SMYD1: variants seen among roughly 807,000 people sequenced by gnomAD.
SMYD1 encodes the protein histone-lysine N-methyltransferase SMYD1.
In SMYD1, 49 loss-of-function variants were observed where a neutral mutation model predicts 54.0. The ratio of observed to expected loss-of-function variants is 0.91; its 90% confidence interval spans 0.72 to 1.15. SMYD1 has a LOEUF of 1.15. SMYD1 is among the 50% of genes most tolerant of loss of function. The probability of loss-of-function intolerance (pLI) is 0.00; values close to 1 mark genes in which losing one functional copy is unlikely to be tolerated. For missense variants in SMYD1, 653 were observed against 639.6 expected (o/e 1.02, Z -0.23); for synonymous variants, 269 against 234.2 (o/e 1.15, Z -1.36).
At chr2:88,110,289 A>G in intron 9 of SMYD1, 65 bp from the exon 10 acceptor site, 2 of 1,518,352 alleles carry the variant, frequency 1.3e-6, no homozygotes, top group Non-Finnish European at 1.8e-6. Flanking sequence ...ACCCCAAGGT[A>G]TATCAGAGAC....
Position 88,103,562 on chromosome 2 carries a change from G to A in SMYD1, c.981+412G>A, listed in dbSNP as rs1674776452. ...CTCTCCCAAATGAGCATTCAACCTT[G>A]GCTCTTGAAGCACCAGGGATTCTCA... On this transcript the variant is annotated intron_variant, in intron 7 of 9. Coordinates refer to ENST00000419482, the MANE Select transcript of SMYD1 (RefSeq NM_198274.4). Among the ~76,000 whole-genome samples, 4 of 152,150 alleles carry A rather than the reference G, an allele frequency of 2.6e-5. No homozygotes were observed. In the South Asian group the frequency reaches 8.3e-4, roughly 32 times the overall value.
At position 88,112,203 on chromosome 2, in the gene SMYD1, C is replaced by T. The variant is rs978902990; in HGVS notation, c.*1691C>T. 5.7e-5 allele frequency: 40 copies of T among 698,340 alleles called. No individual in the cohort carries two copies. Among genetic ancestry groups the T allele is most frequent in the Middle Eastern group, 4.6e-4 (2 of 4,370 alleles). 43.3% of individuals were successfully genotyped at this position (698,340 alleles called of 1,614,324 possible). A position where few individuals can be genotyped will look rare whatever the true frequency, so the allele number is the denominator to read the frequency against. ...TCTAACTGGCTAGTTCAAATTATCA[C>T]TCTTTTACCTTCATATAAAATGTCT... On this transcript the variant is annotated 3_prime_UTR_variant, in exon 10 of 10. Transcript: ENST00000419482.
At chr2:88,102,368 G>GT (rs11395735) in intron 6 of SMYD1, among the ~76,000 whole-genome samples, 85,143 of 150,510 alleles carry the variant, frequency 0.57, 24,347 homozygotes, top group African/African-American at 0.66. Flanking sequence ...GTTTTGTTTT[G>GT]TTTTTTTTGG....
In SMYD1 at chr2:88,110,392, C is replaced by G. The variant is rs754399702; in HGVS notation, c.1353C>G (p.Phe451Leu). Residue 451 changes from phenylalanine (F) to leucine (L), a missense_variant, in exon 10 of 10, where the codon TTC (phenylalanine) becomes TTG (leucine). Coordinates refer to ENST00000419482, the MANE Select transcript of SMYD1 (RefSeq NM_198274.4). Reference protein sequence around the residue: ...RVQTEMELRMFRQNEFMYYKM... With the variant: ...RVQTEMELRMLRQNEFMYYKM... Reference sequence around the variant, plus strand: ...AGACGGAGATGGAGCTACGCATGTTCCGCCAGAACGAATTCATGTACTACA... The same window carrying G: ...AGACGGAGATGGAGCTACGCATGTTGCGCCAGAACGAATTCATGTACTACA... The G allele has an allele frequency of 6.2e-7, 1 of 1,612,920 alleles. No homozygotes were observed. The highest frequency in any genetic ancestry group is 8.5e-7 in the Non-Finnish European group (1 of 1,179,536).
chr2:88,096,108 T>C (rs1471438611), intron 5 of SMYD1, among the ~76,000 whole-genome samples: 1 of 152,214 alleles, frequency 6.6e-6, no homozygotes, highest in East Asian at 1.9e-4. Context: ...GGTTAAGAGG[T>C]GACTTCAAGT....
intron 9 of SMYD1, 143 bp downstream of exon 9, chr2:88,108,682 T>C (rs62156978): frequency 1.4e-6 from 1 of 729,904 alleles, no homozygotes. Flanking sequence ...TTTAGCCCAC[T>C]ACCCTTGTGT....
intron 7 of SMYD1, 64 bp from the exon 8 acceptor site, chr2:88,106,261 C>A: frequency 6.3e-7 from 1 of 1,577,268 alleles, no homozygotes; most frequent in Non-Finnish European, 8.7e-7. Flanking sequence ...ATGATGGTCG[C>A]GTATGTGAAT....
Position 88,112,300 on chromosome 2 carries a change from C to G in SMYD1, c.*1788C>G. On this transcript the variant is annotated 3_prime_UTR_variant, in exon 10 of 10. Coordinates refer to ENST00000419482, the MANE Select transcript of SMYD1 (RefSeq NM_198274.4). ...CTGGTCATTTCCCCATATTCGTAGTCTTTTTTTCCATCCTATCTTTCTAAT... is the reference window on the plus strand; with the variant it reads ...CTGGTCATTTCCCCATATTCGTAGTGTTTTTTTCCATCCTATCTTTCTAAT... 1 of 611,884 alleles carries G rather than the reference C, an allele frequency of 1.6e-6. No individual in the cohort carries two copies. Among genetic ancestry groups the G allele is most frequent in the South Asian group, 2.0e-5 (1 of 50,784 alleles). The allele number at this position is 611,884 out of a possible 1,614,324, so 37.9% of individuals were successfully genotyped here. A position where few individuals can be genotyped will look rare whatever the true frequency, so the allele number is the denominator to read the frequency against.
chr2:88,099,507 G>A (rs957419828), intron 6 of SMYD1, among the ~76,000 whole-genome samples: 3 of 151,982 alleles, frequency 2.0e-5, no homozygotes, highest in African/African-American at 7.2e-5. Flanking sequence ...GGCAGATCAC[G>A]AGGTCAGGAG....
At chr2:88,071,627 G>A (rs749292082) in intron 1 of SMYD1, among the ~76,000 whole-genome samples, 1 of 152,174 alleles carries the variant, frequency 6.6e-6, no homozygotes, top group African/African-American at 2.4e-5. Flanking sequence ...CCTCCAGGGG[G>A]CTACTACCAA....
At chr2:88,099,922 C>T (rs1213484955) in intron 6 of SMYD1, among the ~76,000 whole-genome samples, 16 of 150,592 alleles carry the variant, frequency 1.1e-4, no homozygotes, top group Admixed American at 8.6e-4. Flanking sequence ...CCTCTGGCCC[C>T]TCCCCTTATC....
chr2:88,070,411 G>A (rs1452867524), intron 1 of SMYD1, among the ~76,000 whole-genome samples: 1 of 151,590 alleles, frequency 6.6e-6, no homozygotes, highest in East Asian at 1.9e-4. Flanking sequence ...ATTTTTAGTT[G>A]AGCACTGCAT....
chr2:88,084,573 T>G, intron 2 of SMYD1, 81 bp downstream of exon 2: 1 of 1,372,218 alleles, frequency 7.3e-7, no homozygotes. Flanking sequence ...TTCCCAGATC[T>G]AAGGAAGCCA....
chr2:88,083,113 T>A (rs1466931503), intron 1 of SMYD1: 1 of 152,182 alleles, frequency 6.6e-6, no homozygotes, highest in Admixed American at 6.5e-5. Context: ...AGATCCCTGT[T>A]TAGACTGTGG....
At chr2:88,084,167 A>C in intron 1 of SMYD1, 149 bp from the exon 2 acceptor site, 2 of 619,204 alleles carry the variant, frequency 3.2e-6, no homozygotes, top group African/African-American at 1.8e-5. Flanking sequence ...TTGGAGGCTC[A>C]AACTCCTCAT....
At chr2:88,072,512 A>G (rs1188687233) in intron 1 of SMYD1, among the ~76,000 whole-genome samples, 3 of 152,252 alleles carry the variant, frequency 2.0e-5, no homozygotes, top group Non-Finnish European at 4.4e-5. Context: ...AATTCTGGAT[A>G]TTAAAATATG....
intron 1 of SMYD1, 30 bp downstream of exon 1, chr2:88,068,031 C>T (rs1175009073): frequency 1.9e-6 from 3 of 1,597,610 alleles, no homozygotes; most frequent in Non-Finnish European, 2.6e-6. Flanking sequence ...GCCTTCTCTC[C>T]TGTTAGTTTG....
rs1675026914 is a variant in SMYD1, at chr2:88,111,705, G to A, written c.*1193G>A. The stretch of plus-strand genomic sequence containing the variant: ...TATCCCGATCTCCTGGAAGGCTGTT[G>A]TGATTTCCATCTAAGAAATGAGGGT... On this transcript the variant is annotated 3_prime_UTR_variant, in exon 10 of 10. Coordinates refer to ENST00000419482, the MANE Select transcript of SMYD1 (RefSeq NM_198274.4). 3 of 201,798 alleles carry A rather than the reference G, an allele frequency of 1.5e-5. No homozygotes were observed. The South Asian group carries it at 3.5e-4, about 23-fold the overall frequency. 12.5% of individuals were successfully genotyped at this position (201,798 alleles called of 1,614,324 possible). A position where few individuals can be genotyped will look rare whatever the true frequency, so the allele number is the denominator to read the frequency against.
Position 88,110,523 on chromosome 2 carries a change from G to GT in SMYD1, c.*12dup, listed in dbSNP as rs779262564. The GT allele has an allele frequency of 6.4e-7, 1 of 1,552,396 alleles. No homozygotes were observed. The highest frequency in any genetic ancestry group is 8.7e-7 in the Non-Finnish European group (1 of 1,145,198). On this transcript the variant is annotated 3_prime_UTR_variant, in exon 10 of 10. Coordinates refer to ENST00000419482, the MANE Select transcript of SMYD1 (RefSeq NM_198274.4). ...CACAAGAAGCAATGAGGACTGCCCA[G>GT]TGGAGGAGGGGCGATGTGGCTGGGG...
Sources: gnomAD v4.1 joint callset for allele counts (sites outside exome capture counted in the v4.1 genomes callset) on GRCh38, gnomAD v4.1.1 for gene constraint, MANE v1.5 for transcripts, NCBI Gene and HGNC (gene_info 2026-07-23, HGNC 2026-07-21) for gene names.